Variants in ARHGEF7 observed in about 807,000 individuals in gnomAD.
ARHGEF7 encodes PAK-interacting exchange factor beta.
In ARHGEF7, 33 loss-of-function variants were observed where a neutral mutation model predicts 109.8. That is an observed-to-expected ratio of 0.30 (90% CI 0.23 to 0.40). The LOEUF (loss-of-function observed/expected upper bound fraction) is 0.40. ARHGEF7 is among the 10% of genes least tolerant of loss of function. The pLI, the probability that ARHGEF7 is intolerant of heterozygous loss-of-function variation, is 1.00. For synonymous variants in ARHGEF7, 458 were observed against 424.6 expected (o/e 1.08, Z -0.97); for missense variants, 938 against 1,098.5 (o/e 0.85, Z 2.07).
Position 111,115,371 on chromosome 13 carries a change from G to T in ARHGEF7, c.-156G>T. 1 of 352,004 alleles carries T rather than the reference G, an allele frequency of 2.8e-6. No homozygotes were observed. Among genetic ancestry groups the T allele is most frequent in the Non-Finnish European group, 3.9e-6 (1 of 253,902 alleles). The allele number at this position is 352,004 out of a possible 1,614,324, so 21.8% of individuals were successfully genotyped here. On this transcript the variant is annotated 5_prime_UTR_variant, in exon 1 of 22. Transcript: ENST00000646102. ...AGCGGGCCGGGGCGCACGGAGAAGC[G>T]GGCCGGGCCGGACCTGCTGGGCCGC...
chr13:111,262,138 C>T (rs992268982), intron 8 of ARHGEF7, among the ~76,000 whole-genome samples: 1 of 152,044 alleles, frequency 6.6e-6, no homozygotes, highest in Admixed American at 6.6e-5. Context: ...TGAAATATTA[C>T]AAAAGATCGA....
chr13:111,295,360 C>T (rs1272312998), intron 19 of ARHGEF7, among the ~76,000 whole-genome samples: 1 of 152,178 alleles, frequency 6.6e-6, no homozygotes, highest in Admixed American at 6.5e-5. Context: ...CTTAGATTAG[C>T]CGTGTTCTGG....
intron 2 of ARHGEF7, among the ~76,000 whole-genome samples, chr13:111,191,042 G>A (rs893730066): frequency 6.6e-6 from 1 of 152,102 alleles, no homozygotes; most frequent in African/African-American, 2.4e-5. Flanking sequence ...AAGAGGGGAT[G>A]AGAAAGCATT....
chr13:111,226,620 T>C (rs1052788683), intron 5 of ARHGEF7, among the ~76,000 whole-genome samples: 1 of 152,240 alleles, frequency 6.6e-6, no homozygotes, highest in Non-Finnish European at 1.5e-5. Flanking sequence ...CCCTTGAGCA[T>C]GTTACTGCTT....
intron 3 of ARHGEF7, among the ~76,000 whole-genome samples, chr13:111,206,971 A>G (rs1482572498): frequency 2.1e-5 from 3 of 141,454 alleles, no homozygotes; most frequent in Admixed American, 7.2e-5. Context: ...AAAAAAAAAA[A>G]AAAAGAAAAA....
In ARHGEF7 at chr13:111,135,542, G is replaced by A. The variant is rs867099346; in HGVS notation, c.166-18363G>A. On this transcript the variant is annotated intron_variant, in intron 1 of 21. Coordinates refer to ENST00000646102, the MANE Select transcript of ARHGEF7 (RefSeq NM_001354046.2). Reference sequence around the variant, plus strand: ...TCCCTTGTAAGTTGGAAGGTATTTTGTTCTCTTTGAAGCAATTGTGAATGG... The same window carrying A: ...TCCCTTGTAAGTTGGAAGGTATTTTATTCTCTTTGAAGCAATTGTGAATGG... Among the ~76,000 whole-genome samples, 353 of 152,082 alleles carry A rather than the reference G, an allele frequency of 2.3e-3. 2 individuals carry two copies. The highest frequency in any genetic ancestry group is 4.6e-3 in the Admixed American group (70 of 15,260).
intron 6 of ARHGEF7, among the ~76,000 whole-genome samples, chr13:111,236,498 G>A: frequency 6.6e-6 from 1 of 152,224 alleles, no homozygotes; most frequent in East Asian, 1.9e-4. Context: ...TGCTGTTGCT[G>A]TGTCTTGCTC....
At chr13:111,214,179 C>T (rs1032181073) in intron 4 of ARHGEF7, among the ~76,000 whole-genome samples, 7 of 152,238 alleles carry the variant, frequency 4.6e-5, no homozygotes, top group African/African-American at 1.7e-4. Flanking sequence ...AGGCGTGCCT[C>T]CCTCACCCGT....
At chr13:111,179,828 G>T (rs2035973355) in intron 2 of ARHGEF7, among the ~76,000 whole-genome samples, 1 of 152,190 alleles carries the variant, frequency 6.6e-6, no homozygotes, top group Admixed American at 6.5e-5. Flanking sequence ...GACATTTCTG[G>T]CATGAATTCT....
chr13:111,203,466 CTG>C (rs1322200456), intron 2 of ARHGEF7, among the ~76,000 whole-genome samples: 1 of 152,174 alleles, frequency 6.6e-6, no homozygotes, highest in African/African-American at 2.4e-5. Context: ...GTTCTAAGGA[CTG>C]TTTTTTAAAG....
At position 111,280,256 on chromosome 13, in the gene ARHGEF7, G is replaced by T; in HGVS notation, c.1507-16G>T. On this transcript the variant is annotated splice_polypyrimidine_tract_variant and intron_variant, in intron 13 of 21. Transcript: ENST00000646102. Reference sequence around the variant, plus strand: ...CACTAATTGTTTTTTTTTTTGTGGGGGGGGGTCTTTTTTAGGGAAAGCTTC... The same window carrying T: ...CACTAATTGTTTTTTTTTTTGTGGGTGGGGGTCTTTTTTAGGGAAAGCTTC... The T allele has an allele frequency of 6.2e-7, 1 of 1,600,552 alleles. No individual in the cohort carries two copies. The highest frequency in any genetic ancestry group is 8.5e-7 in the Non-Finnish European group (1 of 1,174,228).
At chr13:111,130,224 A>G (rs1011276130) in intron 1 of ARHGEF7, among the ~76,000 whole-genome samples, 4 of 152,228 alleles carry the variant, frequency 2.6e-5, no homozygotes, top group Non-Finnish European at 4.4e-5. Flanking sequence ...GAGTAGCTCA[A>G]GGAGACCTCT....
At chr13:111,274,959 T>A (rs1205439218) in intron 11 of ARHGEF7, among the ~76,000 whole-genome samples, 169 bp downstream of exon 11, 2 of 152,246 alleles carry the variant, frequency 1.3e-5, no homozygotes, top group Non-Finnish European at 2.9e-5. Flanking sequence ...TGGACTATGA[T>A]AGAATAATTA....
At chr13:111,218,605 C>T (rs141743711) in intron 5 of ARHGEF7, among the ~76,000 whole-genome samples, 1 of 151,962 alleles carries the variant, frequency 6.6e-6, no homozygotes, top group African/African-American at 2.4e-5. Flanking sequence ...GAGTGACTTA[C>T]AGAGAATAGC....
chr13:111,292,530 G>A (rs773267225), intron 19 of ARHGEF7: 117 of 1,415,684 alleles, frequency 8.3e-5, no homozygotes, highest in Non-Finnish European at 1.0e-4. Context: ...TTGGAGGGAG[G>A]TGGTGTGTTC....
Position 111,272,937 on chromosome 13 carries a change from A to G in ARHGEF7, c.1074-877A>G, listed in dbSNP as rs189110092. ...CCTGCCCGTGTCCTCTGCCACAGCCATGGGAACTCTGAGGACAAAGATGAC... is the reference window on the plus strand; with the variant it reads ...CCTGCCCGTGTCCTCTGCCACAGCCGTGGGAACTCTGAGGACAAAGATGAC... On this transcript the variant is annotated intron_variant, in intron 9 of 21. Coordinates refer to ENST00000646102, the MANE Select transcript of ARHGEF7 (RefSeq NM_001354046.2). This position sits in a 1 kb window ranked among gnomAD's most constrained non-coding sequence, Gnocchi z 5.2. 3.9e-4 allele frequency among the ~76,000 whole-genome samples: 59 copies of G among 152,304 alleles called. No homozygotes were observed. Among genetic ancestry groups the G allele is most frequent in the Non-Finnish European group, 5.6e-4 (38 of 68,024 alleles).
Position 111,205,290 on chromosome 13 carries a change from C to G in ARHGEF7, c.254C>G (p.Thr85Arg). The G allele has an allele frequency of 6.3e-7, 1 of 1,599,398 alleles. No individual in the cohort carries two copies. Among genetic ancestry groups the G allele is most frequent in the East Asian group, 2.3e-5 (1 of 44,340 alleles). The change falls in exon 3 of 22, where the codon ACG (threonine) becomes AGG (arginine). Residue 85 changes from threonine to arginine, a missense_variant and splice_region_variant. Around this residue, in one of 4 missense-constraint regions of ARHGEF7, gnomAD observed 165 missense variants for 125.8 expected, o/e 1.31. Coordinates refer to ENST00000646102, the MANE Select transcript of ARHGEF7 (RefSeq NM_001354046.2). ...TGCTTGTTTAATTTTTCCTTTCAGA[C>G]GTTTGATGCAAATGATTTGTATCAG... ...RGCGASLRLE[T>R]FDANDLYQGQ...
At chr13:111,166,937 A>C (rs1310128606) in intron 2 of ARHGEF7, among the ~76,000 whole-genome samples, 2 of 152,136 alleles carry the variant, frequency 1.3e-5, no homozygotes, top group Non-Finnish European at 2.9e-5. Context: ...GGGGAGGAGG[A>C]CATCCATGCC....
intron 1 of ARHGEF7, chr13:111,153,674 G>C: frequency 8.0e-7 from 1 of 1,242,814 alleles, no homozygotes; most frequent in Non-Finnish European, 1.0e-6. Context: ...TCACTTCCTG[G>C]TGCGGGAAGG....
Sources: allele counts gnomAD v4.1 joint callset (sites outside exome capture counted in the v4.1 genomes callset), GRCh38; gene constraint gnomAD v4.1.1; regional missense constraint gnomAD v4.1.1; non-coding constraint Gnocchi (gnomAD v3.1); transcripts MANE v1.5; gene names NCBI Gene and HGNC (gene_info 2026-07-23, HGNC 2026-07-21).